RIMS2: variants seen among roughly 807,000 people sequenced by gnomAD.
RIMS2 encodes regulating synaptic membrane exocytosis 2, also known as regulating synaptic membrane exocytosis protein 2.
In RIMS2, 59 loss-of-function variants were observed where a neutral mutation model predicts 174.4. The ratio of observed to expected loss-of-function variants is 0.34; its 90% confidence interval spans 0.27 to 0.42. The LOEUF (loss-of-function observed/expected upper bound fraction) is 0.42, where lower values mean the gene tolerates loss of function less well. Ranked by LOEUF, RIMS2 falls within the 10% of genes least tolerant of loss-of-function variation. The pLI is 1.00. For synonymous variants in RIMS2, 606 were observed against 572.5 expected, an observed-to-expected ratio of 1.06 and a Z score of -0.84; for missense variants, 1,620 against 1,666.3, an observed-to-expected ratio of 0.97 and a Z score of 0.48.
At position 104,106,319 on chromosome 8, in the gene RIMS2, T is replaced by C. The variant is rs550451395; in HGVS notation, c.3334+91704T>C. 2.6e-5 allele frequency among the ~76,000 whole-genome samples: 4 copies of C among 152,266 alleles called. No individual in the cohort carries two copies. In the East Asian group the frequency reaches 7.7e-4, roughly 29 times the overall value. On this transcript the variant is annotated intron_variant, in intron 19 of 23. Coordinates refer to ENST00000504942, the Ensembl canonical transcript of RIMS2. ...TTAGTTAGTAACTTCTATTTATTTG[T>C]ATTTCTGTGATAACTGGTTATTCTA...
At position 103,501,157 on chromosome 8, in the gene RIMS2, T is replaced by A. The variant is rs942876905; in HGVS notation, c.176+95T>A. 3.8e-4 allele frequency: 372 copies of A among 975,894 alleles called. 3 individuals carry two copies. The Middle Eastern group carries it at 4.7e-3, about 12-fold the overall frequency. The allele number at this position is 975,894 out of a possible 1,614,324, so 60.5% of individuals were successfully genotyped here. ...GCCTGCGCGCCCCAGTTCGCCGCCC[T>A]CCCTCCCGCTGGCGGCGCCCAGGCC... On this transcript the variant is annotated intron_variant, in intron 1 of 23. Transcript: ENST00000504942.
At chr8:103,908,584 A>G (rs186462937) in intron 4 of RIMS2, among the ~76,000 whole-genome samples, 144 of 152,136 alleles carry the variant, frequency 9.5e-4, no homozygotes, top group African/African-American at 3.3e-3. Flanking sequence ...CATCTCATAA[A>G]TTTTTTCTTC....
intron 11 of RIMS2, among the ~76,000 whole-genome samples, chr8:103,929,261 T>G (rs2079404095): frequency 6.6e-6 from 1 of 151,766 alleles, no homozygotes; most frequent in East Asian, 1.9e-4. Context: ...ATATTCAGGT[T>G]TTCCATGGCA....
intron 19 of RIMS2, among the ~76,000 whole-genome samples, chr8:104,084,437 C>CAAAAAA (rs34285862): frequency 0.044 from 3,359 of 75,870 alleles, 314 homozygotes; most frequent in East Asian, 0.18. Context: ...GACTCTGTCT[C>CAAAAAA]AAAAAAAAAA....
At chr8:104,237,496 T>C (rs879927247) in intron 19 of RIMS2, among the ~76,000 whole-genome samples, 1 of 152,134 alleles carries the variant, frequency 6.6e-6, no homozygotes, top group Non-Finnish European at 1.5e-5. Context: ...TCACATTTCA[T>C]TGGACAAACA....
At chr8:103,764,137 T>G (rs1244253274) in intron 2 of RIMS2, among the ~76,000 whole-genome samples, 1 of 152,180 alleles carries the variant, frequency 6.6e-6, no homozygotes, top group Non-Finnish European at 1.5e-5. Context: ...TGAAATACAT[T>G]AAGTAACCTG....
rs192505958 is a variant in RIMS2, at chr8:103,736,600, G to A, written c.388-29627G>A. 1.4e-3 allele frequency among the ~76,000 whole-genome samples: 207 copies of A among 152,244 alleles called. 1 individual carries two copies. Among genetic ancestry groups the A allele is most frequent in the Admixed American group, 0.012 (182 of 15,282 alleles). ...ATTATGTCCAGTTATGAATTGGCTG[G>A]CGTGAATCTAAAAACCATATTTGTC... On this transcript the variant is annotated intron_variant, in intron 2 of 23. Transcript: ENST00000504942.
At chr8:103,662,549 A>G (rs552644284) in intron 1 of RIMS2, among the ~76,000 whole-genome samples, 10 of 152,308 alleles carry the variant, frequency 6.6e-5, no homozygotes, top group African/African-American at 2.2e-4. Context: ...AATATTTACA[A>G]TGAACTCAAA....
chr8:104,225,105 T>C (rs559229872), intron 19 of RIMS2, among the ~76,000 whole-genome samples: 2 of 152,244 alleles, frequency 1.3e-5, no homozygotes, highest in Non-Finnish European at 2.9e-5. Flanking sequence ...ATCATAATTG[T>C]AGCTAAAACT....
chr8:104,046,583 A>G (rs1352330014), intron 19 of RIMS2, among the ~76,000 whole-genome samples: 2 of 152,098 alleles, frequency 1.3e-5, no homozygotes, highest in East Asian at 1.9e-4. Context: ...ACGGACACAT[A>G]TAAATGCACA....
At chr8:103,810,812 G>A (rs1417752453) in intron 3 of RIMS2, among the ~76,000 whole-genome samples, 2 of 152,132 alleles carry the variant, frequency 1.3e-5, no homozygotes, top group African/African-American at 4.8e-5. Flanking sequence ...TTTTCATAGT[G>A]TAATGAGTAG....
At chr8:103,738,702 T>A (rs1008815776) in intron 2 of RIMS2, among the ~76,000 whole-genome samples, 1 of 151,702 alleles carries the variant, frequency 6.6e-6, no homozygotes, top group African/African-American at 2.4e-5. Flanking sequence ...AACAACCCCA[T>A]CAAAAAGTGG....
At chr8:103,612,688 C>T (rs1195677062) in intron 1 of RIMS2, among the ~76,000 whole-genome samples, 3 of 152,182 alleles carry the variant, frequency 2.0e-5, no homozygotes, top group Non-Finnish European at 4.4e-5. Context: ...AAGCAATTTT[C>T]CTGCCTCAGC....
At chr8:104,240,584 T>C (rs1415142574) in intron 19 of RIMS2, among the ~76,000 whole-genome samples, 1 of 152,256 alleles carries the variant, frequency 6.6e-6, no homozygotes, top group Non-Finnish European at 1.5e-5. Context: ...CAGATGATAG[T>C]GATTAGCATA....
At chr8:103,527,281 C>A (rs774320223) in intron 1 of RIMS2, among the ~76,000 whole-genome samples, 1 of 152,118 alleles carries the variant, frequency 6.6e-6, no homozygotes, top group Non-Finnish European at 1.5e-5. Context: ...GAATTGGTTC[C>A]AAGACCCCTT....
intron 3 of RIMS2, among the ~76,000 whole-genome samples, chr8:103,852,633 CA>C (rs2099005502): frequency 6.6e-6 from 1 of 151,898 alleles, no homozygotes. Flanking sequence ...ATTTAGCCCC[CA>C]CTTGTAAGTA....
intron 1 of RIMS2, among the ~76,000 whole-genome samples, chr8:103,556,204 CA>C (rs1009600016): frequency 1.5e-4 from 23 of 152,000 alleles, no homozygotes; most frequent in African/African-American, 5.5e-4. Flanking sequence ...TGTCACCACA[CA>C]AAAAATGATA....
At chr8:103,578,575 A>C (rs112413934) in intron 1 of RIMS2, among the ~76,000 whole-genome samples, 2 of 151,754 alleles carry the variant, frequency 1.3e-5, no homozygotes, top group Admixed American at 6.6e-5. Context: ...ACAACAACAA[A>C]AAACCCAACA....
chr8:104,211,523 C>T (rs1293834316), intron 19 of RIMS2, among the ~76,000 whole-genome samples: 2 of 151,316 alleles, frequency 1.3e-5, no homozygotes, highest in Non-Finnish European at 2.9e-5. Flanking sequence ...AGAGATAAGA[C>T]ATTGAAGGGT....
Sources: allele counts gnomAD v4.1 joint callset (sites outside exome capture counted in the v4.1 genomes callset), GRCh38; gene constraint gnomAD v4.1.1; transcripts MANE v1.5; gene names NCBI Gene and HGNC (gene_info 2026-07-23, HGNC 2026-07-21).